Variants in CDKAL1 observed in about 807,000 individuals in gnomAD.
CDKAL1 encodes CDKAL1 threonylcarbamoyladenosine tRNA methylthiotransferase.
In CDKAL1, 32 loss-of-function variants were observed where a neutral mutation model predicts 68.2. The observed-to-expected ratio is 0.47, with a 90% CI of 0.35 to 0.63. The LOEUF (loss-of-function observed/expected upper bound fraction) is 0.63. Among genes scored for constraint, CDKAL1 ranks in the 30% least tolerant of loss-of-function variants. The probability of loss-of-function intolerance (pLI) is 0.00; values close to 1 mark genes in which losing one functional copy is unlikely to be tolerated. For missense variants in CDKAL1, 606 were observed against 696.7 expected (o/e 0.87, Z 1.47); for synonymous variants, 234 against 244.3 (o/e 0.96, Z 0.39).
chr6:20,575,879 T>G (rs1421709244), intron 4 of CDKAL1, among the ~76,000 whole-genome samples: 1 of 152,124 alleles, frequency 6.6e-6, no homozygotes, highest in Non-Finnish European at 1.5e-5. Context: ...GGCAACACAC[T>G]CTATCAAAAC....
chr6:21,096,924 T>C (rs1008098421), intron 12 of CDKAL1, among the ~76,000 whole-genome samples: 24 of 152,236 alleles, frequency 1.6e-4, no homozygotes, highest in Non-Finnish European at 5.9e-5. Context: ...AATAGTTATC[T>C]TGTCATATGT....
intron 13 of CDKAL1, among the ~76,000 whole-genome samples, chr6:21,170,691 A>G (rs1287060843): frequency 2.0e-5 from 3 of 152,146 alleles, no homozygotes; most frequent in Non-Finnish European, 4.4e-5. Flanking sequence ...AAGTCATGAC[A>G]CTATTTCTAA....
Position 20,881,384 on chromosome 6 carries a change from GTA to G in CDKAL1, c.742+35210_742+35211del, listed in dbSNP as rs10589878. Among the ~76,000 whole-genome samples, 1,315 of 152,236 alleles carry G rather than the reference GTA, an allele frequency of 8.6e-3. 25 individuals carry two copies. Among genetic ancestry groups the G allele is most frequent in the African/African-American group, 0.03 (1,242 of 41,550 alleles). ...CATATATAATCATAGCATATATTTTGTATATGTGATATATAAATTGATAAACT... is the reference window on the plus strand; with the variant it reads ...CATATATAATCATAGCATATATTTTGTATGTGATATATAAATTGATAAACT... On this transcript the variant is annotated intron_variant, in intron 9 of 15. Coordinates refer to ENST00000274695, the MANE Select transcript of CDKAL1 (RefSeq NM_017774.3).
At chr6:20,604,329 G>A (rs1198505282) in intron 4 of CDKAL1, among the ~76,000 whole-genome samples, 2 of 152,120 alleles carry the variant, frequency 1.3e-5, no homozygotes, top group Non-Finnish European at 2.9e-5. Flanking sequence ...TCAGCCAACT[G>A]CAGAGTCCAA....
intron 13 of CDKAL1, among the ~76,000 whole-genome samples, chr6:21,168,630 T>C (rs887755262): frequency 6.6e-6 from 1 of 152,162 alleles, no homozygotes; most frequent in African/African-American, 2.4e-5. Flanking sequence ...ATACCATCTG[T>C]TTCTAAGGGC....
chr6:21,143,349 G>A (rs1776017567), intron 13 of CDKAL1, among the ~76,000 whole-genome samples: 1 of 152,068 alleles, frequency 6.6e-6, no homozygotes, highest in Non-Finnish European at 1.5e-5. Flanking sequence ...CCATGTAAGT[G>A]TTGTGTCATG....
chr6:21,016,152 G>A (rs1275694776), intron 11 of CDKAL1, among the ~76,000 whole-genome samples: 2 of 148,096 alleles, frequency 1.4e-5, no homozygotes, highest in East Asian at 2.0e-4. Flanking sequence ...ATATATATGT[G>A]TATATATATA....
At chr6:21,096,842 G>A (rs1028101044) in intron 12 of CDKAL1, among the ~76,000 whole-genome samples, 78 of 152,316 alleles carry the variant, frequency 5.1e-4, no homozygotes, top group African/African-American at 1.6e-3. Context: ...TATCTGCTAG[G>A]TTTTGAGGAT....
At chr6:20,985,571 A>T (rs1261396537) in intron 10 of CDKAL1, among the ~76,000 whole-genome samples, 1 of 152,210 alleles carries the variant, frequency 6.6e-6, no homozygotes, top group African/African-American at 2.4e-5. Flanking sequence ...CTGTGATTAT[A>T]GGCGTGGGCC....
At chr6:20,872,390 G>T (rs1760269625) in intron 9 of CDKAL1, among the ~76,000 whole-genome samples, 1 of 152,162 alleles carries the variant, frequency 6.6e-6, no homozygotes, top group African/African-American at 2.4e-5. Flanking sequence ...AGGGTCATCA[G>T]TGTGTAGAGA....
chr6:21,019,067 G>C (rs1768492943), intron 11 of CDKAL1, among the ~76,000 whole-genome samples: 1 of 152,120 alleles, frequency 6.6e-6, no homozygotes, highest in African/African-American at 2.4e-5. Flanking sequence ...TCCTGCCCCA[G>C]CCTCCCAAAT....
rs142161561 is a variant in CDKAL1 at position 20,971,010 on chromosome 6, G to A, written c.909+15425G>A. On this transcript the variant is annotated intron_variant, in intron 10 of 15. Coordinates refer to ENST00000274695, the MANE Select transcript of CDKAL1 (RefSeq NM_017774.3). ...ACTACAGGCACGTGCCACCACACCC[G>A]GCTAATTTTTGCATTTTTAGTAGAG... Among the ~76,000 whole-genome samples the A allele has an allele frequency of 4.1e-3, 626 of 152,068 alleles. 6 individuals are homozygous for A. The highest frequency in any genetic ancestry group is 0.014 in the African/African-American group (566 of 41,504).
chr6:20,802,463 C>T (rs1776409576), intron 8 of CDKAL1, among the ~76,000 whole-genome samples: 1 of 151,954 alleles, frequency 6.6e-6, no homozygotes, highest in South Asian at 2.1e-4. Context: ...ATCATTCCTA[C>T]TACAGTACTC....
chr6:20,944,249 A>G (rs1462537772), intron 9 of CDKAL1, among the ~76,000 whole-genome samples: 1 of 152,136 alleles, frequency 6.6e-6, no homozygotes, highest in African/African-American at 2.4e-5. Flanking sequence ...TTCTTGTCCA[A>G]TTATTGTTGT....
intron 9 of CDKAL1, among the ~76,000 whole-genome samples, chr6:20,854,582 A>G (rs1382128092): frequency 1.3e-5 from 2 of 152,246 alleles, no homozygotes; most frequent in Non-Finnish European, 2.9e-5. Flanking sequence ...AATGGGGCAG[A>G]CAGCTTATCC....
Position 21,098,534 on chromosome 6 carries a change from CTTTTTT to C in CDKAL1, c.1237-9848_1237-9843del, listed in dbSNP as rs34764667. ...GTTATGAGGTTAAACGGGTACACAG[CTTTTTT>C]TTTTTTTTTTTTTTTTTTGGCCGTC... On this transcript the variant is annotated intron_variant, in intron 12 of 15. Transcript: ENST00000274695. Among the ~76,000 whole-genome samples, 651 of 80,980 alleles carry C rather than the reference CTTTTTT, an allele frequency of 8.0e-3. 5 individuals carry two copies. Among genetic ancestry groups the C allele is most frequent in the African/African-American group, 0.028 (613 of 21,714 alleles). The allele number at this position is 80,980 out of a possible 152,430, so 53.1% of individuals were successfully genotyped here. A position where few individuals can be genotyped will look rare whatever the true frequency, so the allele number is the denominator to read the frequency against.
At chr6:20,587,468 C>G (rs974358989) in intron 4 of CDKAL1, among the ~76,000 whole-genome samples, 19 of 152,010 alleles carry the variant, frequency 1.2e-4, no homozygotes, top group Non-Finnish European at 2.2e-4. Flanking sequence ...CATGGTGGCT[C>G]ATGCTTGTAA....
intron 13 of CDKAL1, among the ~76,000 whole-genome samples, chr6:21,153,975 A>C (rs931648147): frequency 6.6e-6 from 1 of 152,122 alleles, no homozygotes; most frequent in Admixed American, 6.5e-5. Flanking sequence ...TCCAGATGAC[A>C]TCTGGGTCTC....
chr6:21,158,576 C>T (rs1238536460), intron 13 of CDKAL1, among the ~76,000 whole-genome samples: 2 of 152,172 alleles, frequency 1.3e-5, no homozygotes, highest in African/African-American at 4.8e-5. Context: ...CACCATTTCA[C>T]TCCCTGGACC....
Sources: allele counts gnomAD v4.1 joint callset (sites outside exome capture counted in the v4.1 genomes callset), GRCh38; gene constraint gnomAD v4.1.1; transcripts MANE v1.5; gene names NCBI Gene and HGNC (gene_info 2026-07-23, HGNC 2026-07-21).